The following CMSS1 variants were observed in gnomAD, a reference collection of about 807,000 sequenced individuals.
The protein encoded by CMSS1 is cms1 ribosomal small subunit homolog, also known as protein CMSS1.
Under a neutral mutation model 43.5 loss-of-function variants are expected in CMSS1, and 33 were observed. The observed-to-expected ratio is 0.76, with a 90% confidence interval of 0.57 to 1.01. CMSS1 has a LOEUF of 1.01. Ranked by LOEUF, CMSS1 falls within the 50% of genes least tolerant of loss-of-function variation. The pLI, the probability that CMSS1 is intolerant of heterozygous loss-of-function variation, is 0.00. For synonymous variants in CMSS1, 115 were observed against 117.2 expected (o/e 0.98, Z 0.12); for missense variants, 313 against 326.4 (o/e 0.96, Z 0.32).
chr3:99,997,403 A>T (rs980034133), intron 1 of CMSS1, among the ~76,000 whole-genome samples: 8 of 152,238 alleles, frequency 5.3e-5, no homozygotes, highest in Non-Finnish European at 1.2e-4. Context: ...CAAGTGTATT[A>T]TTGGGAAAAT....
chr3:99,818,402 G>A (rs1406982451), intron 1 of CMSS1, among the ~76,000 whole-genome samples: 1 of 152,214 alleles, frequency 6.6e-6, no homozygotes, highest in Non-Finnish European at 1.5e-5. Flanking sequence ...AGCAGGGGTT[G>A]CTGCTTCAGA....
At chr3:100,086,882 C>T (rs940357496) in intron 1 of CMSS1, among the ~76,000 whole-genome samples, 1 of 152,162 alleles carries the variant, frequency 6.6e-6, no homozygotes, top group African/African-American at 2.4e-5. Flanking sequence ...CTATTCTCAA[C>T]CCCTAGTAAC....
chr3:99,949,942 A>G (rs1192000932), intron 1 of CMSS1, among the ~76,000 whole-genome samples: 1 of 152,228 alleles, frequency 6.6e-6, no homozygotes, highest in Non-Finnish European at 1.5e-5. Flanking sequence ...GCTGCTTTAT[A>G]CATATTCTTG....
intron 1 of CMSS1, 25 bp from the exon 2 acceptor site, chr3:100,146,948 G>C: frequency 6.2e-7 from 1 of 1,608,064 alleles, no homozygotes. Flanking sequence ...AGACTTTTCT[G>C]ATTTTCAAAC....
At chr3:100,082,499 G>A (rs960087980) in intron 1 of CMSS1, among the ~76,000 whole-genome samples, 7 of 152,178 alleles carry the variant, frequency 4.6e-5, no homozygotes, top group Admixed American at 1.3e-4. Context: ...GAAATTATTC[G>A]TTTCCAGGAA....
chr3:99,934,071 G>C (rs1707579397), intron 1 of CMSS1, among the ~76,000 whole-genome samples: 1 of 152,202 alleles, frequency 6.6e-6, no homozygotes, highest in South Asian at 2.1e-4. Flanking sequence ...CATCTCAGCT[G>C]TATGTGACTC....
intron 1 of CMSS1, among the ~76,000 whole-genome samples, chr3:99,886,454 A>C (rs1705900572): frequency 6.6e-6 from 1 of 152,206 alleles, no homozygotes; most frequent in Non-Finnish European, 1.5e-5. Context: ...TGTTTTAAGA[A>C]AGTTTATGAA....
intron 8 of CMSS1, among the ~76,000 whole-genome samples, chr3:100,174,374 C>T (rs1480235120): frequency 1.3e-5 from 2 of 152,162 alleles, no homozygotes; most frequent in Middle Eastern, 3.4e-3. Flanking sequence ...GCCCCCACCC[C>T]ATGCAACAGG....
chr3:100,050,517 AT>A (rs2065351798), intron 1 of CMSS1, among the ~76,000 whole-genome samples: 1 of 151,968 alleles, frequency 6.6e-6, no homozygotes, highest in Admixed American at 6.6e-5. Context: ...AATTCCCACA[AT>A]TTGTTTGTTT....
intron 1 of CMSS1, among the ~76,000 whole-genome samples, chr3:100,126,697 A>G (rs902610800): frequency 9.9e-5 from 15 of 152,178 alleles, no homozygotes; most frequent in African/African-American, 3.6e-4. Context: ...GATATTGAAA[A>G]CACAAAAGAA....
At chr3:99,883,247 C>T (rs1250657913) in intron 1 of CMSS1, among the ~76,000 whole-genome samples, 1 of 152,172 alleles carries the variant, frequency 6.6e-6, no homozygotes, top group African/African-American at 2.4e-5. Flanking sequence ...CATTCCATTC[C>T]AAACTGAGAA....
intron 1 of CMSS1, among the ~76,000 whole-genome samples, chr3:100,117,067 G>A (rs2066576384): frequency 6.6e-6 from 1 of 152,178 alleles, no homozygotes; most frequent in Admixed American, 6.5e-5. Context: ...TATAAAGACT[G>A]AGGGAAGAGT....
intron 1 of CMSS1, among the ~76,000 whole-genome samples, chr3:99,853,253 G>C (rs952575868): frequency 6.6e-6 from 1 of 152,176 alleles, no homozygotes; most frequent in South Asian, 2.1e-4. Flanking sequence ...GAATTCATTC[G>C]ATGTAATGGT....
chr3:99,928,683 G>C (rs983189259), intron 1 of CMSS1, among the ~76,000 whole-genome samples: 3 of 152,166 alleles, frequency 2.0e-5, no homozygotes, highest in Non-Finnish European at 4.4e-5. Flanking sequence ...TATGCCATTT[G>C]TAGAGTTTTG....
In CMSS1 at chr3:100,068,332, T is replaced by G. The variant is rs186403597; in HGVS notation, c.65-78641T>G. On this transcript the variant is annotated intron_variant, in intron 1 of 9. Transcript: ENST00000421999. ...GGATGGATGCATAGTGAGACAAACATGAATGATGAAAGAGCCTCTGTGTGT... is the reference window on the plus strand; with the variant it reads ...GGATGGATGCATAGTGAGACAAACAGGAATGATGAAAGAGCCTCTGTGTGT... Among the ~76,000 whole-genome samples the G allele has an allele frequency of 1.2e-3, 179 of 148,552 alleles. 1 individual carries two copies. Among genetic ancestry groups the G allele is most frequent in the Middle Eastern group, 3.4e-3 (1 of 292 alleles).
chr3:99,831,184 G>A lies in CMSS1; in HGVS notation c.64+13141G>A, dbSNP rs150335230. 3.1e-3 allele frequency among the ~76,000 whole-genome samples: 465 copies of A among 152,286 alleles called. 4 individuals are homozygous for A. The highest frequency in any genetic ancestry group is 0.011 in the African/African-American group (439 of 41,546). On this transcript the variant is annotated intron_variant, in intron 1 of 9. Transcript: ENST00000421999. Reference sequence around the variant, plus strand: ...AAATGGACAGTTAAATGAATAGGATGTGTTAAATGAATTATAGTATAATTA... The same window carrying A: ...AAATGGACAGTTAAATGAATAGGATATGTTAAATGAATTATAGTATAATTA...
chr3:100,055,406 G>A (rs1023656771), intron 1 of CMSS1, among the ~76,000 whole-genome samples: 4 of 152,014 alleles, frequency 2.6e-5, no homozygotes, highest in Admixed American at 1.3e-4. Context: ...TGCTCTTCTC[G>A]GAAATTCCTA....
Position 99,817,939 on chromosome 3 carries a change from C to A in CMSS1, c.-41C>A, listed in dbSNP as rs1305250405. The A allele has an allele frequency of 3.7e-6, 6 of 1,606,034 alleles. No homozygotes were observed. Among genetic ancestry groups the A allele is most frequent in the Middle Eastern group, 1.7e-4 (1 of 6,046 alleles). ...CAACGTGATTCTCCGCAGCTGGTCG[C>A]CTACCCGTGATGTTCTGCCCACGTC... On this transcript the variant is annotated 5_prime_UTR_variant, in exon 1 of 10. Coordinates refer to ENST00000421999, the MANE Select transcript of CMSS1 (RefSeq NM_032359.4).
intron 1 of CMSS1, among the ~76,000 whole-genome samples, chr3:100,067,332 G>C (rs1292187742): frequency 6.6e-6 from 1 of 152,192 alleles, no homozygotes; most frequent in Non-Finnish European, 1.5e-5. Context: ...CTATGGTGCA[G>C]GTGAAAGTCT....
Sources: gnomAD v4.1 joint callset for allele counts (sites outside exome capture counted in the v4.1 genomes callset) on GRCh38, gnomAD v4.1.1 for gene constraint, MANE v1.5 for transcripts, NCBI Gene and HGNC (gene_info 2026-07-23, HGNC 2026-07-21) for gene names.